Variants in GSE1 observed in about 807,000 individuals in gnomAD.
The protein encoded by GSE1 is genetic suppressor element 1.
Under a neutral mutation model 112.6 loss-of-function variants are expected in GSE1, and 32 were observed. That is an observed-to-expected ratio of 0.28 (90% CI 0.21 to 0.38). The LOEUF is 0.38. GSE1 is among the 10% of genes least tolerant of loss of function. GSE1 has a pLI of 1.00. For missense variants in GSE1, 2,348 were observed against 1,699.2 expected (o/e 1.38, Z -6.71); for synonymous variants, 1,115 against 735.6 (o/e 1.52, Z -8.35).
In GSE1 at chr16:85,598,345, G is replaced by A. The variant is rs552868524; in HGVS notation, c.37+41982G>A. Among the ~76,000 whole-genome samples the A allele has an allele frequency of 3.8e-4, 58 of 152,124 alleles. No individual in the cohort carries two copies. In the South Asian group the frequency reaches 1.0e-2, roughly 26 times the overall value. ...TTCGGGTGGGCTGCCCACGAGAGCC[G>A]GTCCCTGTGCCTTGGTGCACCCTGT... On this transcript the variant is annotated intron_variant, in intron 1 of 2. Transcript: ENST00000635906.
intron 1 of GSE1, among the ~76,000 whole-genome samples, chr16:85,206,890 C>A (rs1326049369): frequency 6.9e-6 from 1 of 145,806 alleles, no homozygotes; most frequent in African/African-American, 2.5e-5. Flanking sequence ...TTATGGCAGG[C>A]AAAGTGCTAA....
chr16:85,504,590 C>G (rs2051476123), intron 2 of GSE1, among the ~76,000 whole-genome samples: 1 of 151,964 alleles, frequency 6.6e-6, no homozygotes, highest in Admixed American at 6.6e-5. Context: ...GTGATTGCCA[C>G]ATAGTTAGAA....
intron 1 of GSE1, among the ~76,000 whole-genome samples, chr16:85,355,561 A>C (rs2046934979): frequency 1.3e-5 from 2 of 152,198 alleles, no homozygotes; most frequent in Non-Finnish European, 2.9e-5. Flanking sequence ...GGCGGGGAGC[A>C]GGGAGCCTTT....
chr16:85,645,308 G>A (rs1003402457), intron 2 of GSE1, among the ~76,000 whole-genome samples: 1 of 152,152 alleles, frequency 6.6e-6, no homozygotes, highest in Non-Finnish European at 1.5e-5. Flanking sequence ...GCCTTGGGCA[G>A]TTCGGGGGTT....
intron 2 of GSE1, among the ~76,000 whole-genome samples, chr16:85,466,697 T>TAGAGAGAGAG (rs1286704992): frequency 1.6e-5 from 2 of 123,842 alleles, no homozygotes; most frequent in African/African-American, 6.7e-5. Context: ...GAAATATATA[T>TAGAGAGAGAG]ATATAGAGAG....
intron 2 of GSE1, among the ~76,000 whole-genome samples, chr16:85,359,631 C>G (rs976293771): frequency 1.3e-5 from 2 of 152,224 alleles, no homozygotes; most frequent in African/African-American, 4.8e-5. Flanking sequence ...TGCCTTTTTC[C>G]CACTCATGTT....
chr16:85,337,507 G>A (rs971638852), intron 1 of GSE1, among the ~76,000 whole-genome samples: 48 of 151,686 alleles, frequency 3.2e-4, no homozygotes, highest in Admixed American at 8.5e-4. Flanking sequence ...GGGTTTCACC[G>A]TGTTAGCCAG....
chr16:85,296,324 G>C (rs1436126315), intron 1 of GSE1, among the ~76,000 whole-genome samples: 1 of 152,108 alleles, frequency 6.6e-6, no homozygotes, highest in African/African-American at 2.4e-5. Context: ...AAAACAAAGG[G>C]CCGGGTGCAG....
chr16:85,420,318 T>C (rs188756042), intron 2 of GSE1, among the ~76,000 whole-genome samples: 4 of 152,262 alleles, frequency 2.6e-5, no homozygotes, highest in Non-Finnish European at 5.9e-5. Flanking sequence ...GCGGACACCT[T>C]GATTTCCAAC....
chr16:85,346,790 G>C (rs2046750874), intron 1 of GSE1, among the ~76,000 whole-genome samples: 1 of 150,920 alleles, frequency 6.6e-6, no homozygotes, highest in Admixed American at 6.6e-5. Flanking sequence ...TGGATGGATG[G>C]ACAGGTAGAT....
chr16:85,310,028 C>T (rs921823988), intron 1 of GSE1, among the ~76,000 whole-genome samples: 1 of 152,250 alleles, frequency 6.6e-6, no homozygotes, highest in Non-Finnish European at 1.5e-5. Flanking sequence ...GTTAATCCAG[C>T]GCCTGTCAGT....
At chr16:85,577,015 C>T (rs1269897664) in intron 1 of GSE1, among the ~76,000 whole-genome samples, 2 of 152,182 alleles carry the variant, frequency 1.3e-5, no homozygotes, top group Non-Finnish European at 2.9e-5. Flanking sequence ...ACGCTGAGGT[C>T]CTGGAGGTGA....
At chr16:85,226,396 A>G (rs2075486133) in intron 1 of GSE1, among the ~76,000 whole-genome samples, 1 of 152,202 alleles carries the variant, frequency 6.6e-6, no homozygotes, top group Non-Finnish European at 1.5e-5. Context: ...AAAATTATGA[A>G]GTAAAAAATA....
At chr16:85,648,775 C>G (rs763231116) in intron 3 of GSE1, 24 bp downstream of exon 3, 16 of 1,405,662 alleles carry the variant, frequency 1.1e-5, no homozygotes, top group Non-Finnish European at 1.5e-5. Flanking sequence ...GGCAGGGAGC[C>G]TAGCGTCCTC....
At chr16:85,305,386 G>T (rs1490112631) in intron 1 of GSE1, among the ~76,000 whole-genome samples, 2 of 152,226 alleles carry the variant, frequency 1.3e-5, no homozygotes, top group African/African-American at 2.4e-5. Context: ...CTGGGCCCAA[G>T]TGATCCCCCT....
rs2053498193 is a variant in GSE1, at chr16:85,673,443, T to TG, written c.*909dup. ...GGGATTTTTGTTTGTTTTTCCTGTT[T>TG]GGGGGTTTTGTTTGTTGTTTTGGTT... On this transcript the variant is annotated 3_prime_UTR_variant, in exon 16 of 16. Transcript: ENST00000253458. 6.6e-6 allele frequency: 1 copy of TG among 150,988 alleles called. No individual in the cohort carries two copies. The highest frequency in any genetic ancestry group is 6.6e-5 in the Admixed American group (1 of 15,114). 9.4% of individuals were successfully genotyped at this position (150,988 alleles called of 1,614,324 possible).
chr16:85,516,801 T>TA (rs1240198523), intron 2 of GSE1, among the ~76,000 whole-genome samples: 8 of 148,254 alleles, frequency 5.4e-5, no homozygotes, highest in Admixed American at 5.4e-4. Context: ...CTTGGTTCTT[T>TA]TTTTTTTTTT....
At chr16:85,216,859 G>A (rs2075313925) in intron 1 of GSE1, among the ~76,000 whole-genome samples, 1 of 152,226 alleles carries the variant, frequency 6.6e-6, no homozygotes, top group South Asian at 2.1e-4. Context: ...CGGCTGCCTG[G>A]CTTTGAGCAA....
rs781355030 is a variant in GSE1 at position 85,655,745 on chromosome 16, C to G, written c.817C>G (p.Leu273Val). The G allele has an allele frequency of 6.2e-7, 1 of 1,606,124 alleles. No individual in the cohort carries two copies. Among genetic ancestry groups the G allele is most frequent in the South Asian group, 1.1e-5 (1 of 90,074 alleles). ...GCACAGGATGGACGACTCCTACTGC[C>G]TGTCTGCCCTGAGGTCCCCGTTCTA... is the stretch of plus-strand genomic sequence containing the variant. The part of the protein sequence containing the change: ...PAFRMDDSYC[L>V]SALRSPFYPI... The change falls in exon 6 of 16, where the codon CTG (leucine) becomes GTG (valine). Residue 273 changes from leucine to valine, a missense_variant. Physicochemically the swap from Leu to Val is conservative, Grantham distance 32. Transcript: ENST00000253458.
Sources: gnomAD v4.1 joint callset for allele counts (sites outside exome capture counted in the v4.1 genomes callset) on GRCh38, gnomAD v4.1.1 for gene constraint, MANE v1.5 for transcripts, NCBI Gene and HGNC (gene_info 2026-07-23, HGNC 2026-07-21) for gene names.